MYO5A: variants seen among roughly 807,000 people sequenced by gnomAD.
The protein encoded by MYO5A is myosin VA.
Under a neutral mutation model 249.7 loss-of-function variants are expected in MYO5A, and 98 were observed. The ratio of observed to expected loss-of-function variants is 0.39; its 90% confidence interval spans 0.33 to 0.46. MYO5A has a LOEUF of 0.46. Among genes scored for constraint, MYO5A ranks in the 20% least tolerant of loss-of-function variants. The pLI is 0.98. For synonymous variants in MYO5A, 778 were observed against 810.6 expected (o/e 0.96, Z 0.68); for missense variants, 1,696 against 2,308.8 (o/e 0.73, Z 5.44).
At chr15:52,474,453 C>T (rs971618966) in intron 1 of MYO5A, among the ~76,000 whole-genome samples, 60 of 152,200 alleles carry the variant, frequency 3.9e-4, no homozygotes, top group Non-Finnish European at 7.9e-4. Context: ...GAGAGGGCAT[C>T]CCTGTCTTGT....
chr15:52,363,429 A>C (rs2040639716), intron 24 of MYO5A, among the ~76,000 whole-genome samples: 1 of 152,234 alleles, frequency 6.6e-6, no homozygotes, highest in Non-Finnish European at 1.5e-5. Context: ...GTGAGGGTTG[A>C]AATAATGGTC....
At chr15:52,514,882 A>G (rs2077465573) in intron 1 of MYO5A, among the ~76,000 whole-genome samples, 1 of 152,224 alleles carries the variant, frequency 6.6e-6, no homozygotes, top group South Asian at 2.1e-4. Flanking sequence ...GCATGCTCAG[A>G]TATGTGCATT....
intron 5 of MYO5A, among the ~76,000 whole-genome samples, chr15:52,413,156 A>G (rs1198993920): frequency 6.6e-6 from 1 of 151,126 alleles, no homozygotes; most frequent in East Asian, 1.9e-4. Context: ...TCAAAAAAAA[A>G]AAAAAAAAAA....
intron 37 of MYO5A, 122 bp from the exon 38 acceptor site, chr15:52,321,631 A>T: frequency 9.3e-7 from 1 of 1,072,116 alleles, no homozygotes; most frequent in Middle Eastern, 2.4e-4. Flanking sequence ...CTTCCCCACT[A>T]ATGCCAGGAC....
intron 1 of MYO5A, among the ~76,000 whole-genome samples, chr15:52,509,656 A>G (rs571269366): frequency 5.3e-5 from 8 of 152,340 alleles, no homozygotes; most frequent in Non-Finnish European, 1.2e-4. Context: ...AAATAAGCCA[A>G]TAAAATAGGG....
intron 1 of MYO5A, among the ~76,000 whole-genome samples, chr15:52,514,866 G>A (rs2077465443): frequency 6.6e-6 from 1 of 152,184 alleles, no homozygotes; most frequent in African/African-American, 2.4e-5. Context: ...TTCAAGCCAG[G>A]CAGTGGCATG....
At chr15:52,428,159 G>A (rs2075438864) in intron 3 of MYO5A, among the ~76,000 whole-genome samples, 1 of 152,130 alleles carries the variant, frequency 6.6e-6, no homozygotes, top group African/African-American at 2.4e-5. Flanking sequence ...CTTCTGTAAG[G>A]GGAAAAAAAT....
intron 1 of MYO5A, among the ~76,000 whole-genome samples, chr15:52,493,671 A>AG (rs1308294237): frequency 6.6e-6 from 1 of 151,578 alleles, no homozygotes; most frequent in East Asian, 1.9e-4. Flanking sequence ...CAAAAAAAAA[A>AG]GAAAAAAAAT....
chr15:52,398,999 AT>A (rs1036792875), intron 9 of MYO5A, among the ~76,000 whole-genome samples: 48 of 142,316 alleles, frequency 3.4e-4, no homozygotes, highest in African/African-American at 1.2e-3. Flanking sequence ...AAAAAAAAAA[AT>A]TTTTTTCTTA....
intron 11 of MYO5A, among the ~76,000 whole-genome samples, chr15:52,394,972 CT>C (rs2042421428): frequency 6.6e-6 from 1 of 152,172 alleles, no homozygotes; most frequent in Non-Finnish European, 1.5e-5. Context: ...CATTATTTCA[CT>C]GTGGTAAGAA....
chr15:52,434,517 G>C (rs1363361625), intron 1 of MYO5A, among the ~76,000 whole-genome samples: 1 of 152,082 alleles, frequency 6.6e-6, no homozygotes, highest in Non-Finnish European at 1.5e-5. Flanking sequence ...TCACTAATAA[G>C]CTTAGCTCCT....
At position 52,445,886 on chromosome 15, in the gene MYO5A, G is replaced by A. The variant is rs112934145; in HGVS notation, c.28-12601C>T. On this transcript the variant is annotated intron_variant, in intron 1 of 41. Coordinates refer to ENST00000399233, the MANE Select transcript of MYO5A (RefSeq NM_001382347.1). Reference sequence around the variant, plus strand: ...ATTCAAGATGTGGCCCGACTGCTTCGAACAGCCTACACTCAGGTACAGGAG... The same window carrying A: ...ATTCAAGATGTGGCCCGACTGCTTCAAACAGCCTACACTCAGGTACAGGAG... Among the ~76,000 whole-genome samples the A allele has an allele frequency of 4.8e-4, 73 of 152,196 alleles. 1 individual carries two copies. The East Asian group carries it at 7.2e-3, about 15-fold the overall frequency.
At chr15:52,495,625 C>T (rs539174941) in intron 1 of MYO5A, among the ~76,000 whole-genome samples, 21 of 151,876 alleles carry the variant, frequency 1.4e-4, no homozygotes, top group Non-Finnish European at 2.6e-4. Flanking sequence ...ATACATATAC[C>T]AAAACATCAT....
rs539281284 is a variant in MYO5A at position 52,474,363 on chromosome 15, A to G, written c.28-41078T>C. Reference sequence around the variant, plus strand: ...GGACAATTTGACTTCCTCTTTTCCTAATTGAATACCCTTTCTTTCTTTCTC... The same window carrying G: ...GGACAATTTGACTTCCTCTTTTCCTGATTGAATACCCTTTCTTTCTTTCTC... On this transcript the variant is annotated intron_variant, in intron 1 of 41. Coordinates refer to ENST00000399233, the MANE Select transcript of MYO5A (RefSeq NM_001382347.1). 1.3e-4 allele frequency among the ~76,000 whole-genome samples: 20 copies of G among 152,230 alleles called. No homozygotes were observed. In the East Asian group the frequency reaches 2.9e-3, roughly 22 times the overall value.
intron 1 of MYO5A, among the ~76,000 whole-genome samples, chr15:52,526,515 C>A (rs1312314308): frequency 6.6e-6 from 1 of 152,136 alleles, no homozygotes; most frequent in African/African-American, 2.4e-5. Flanking sequence ...GCATGCGCCA[C>A]CACGCCCAGC....
chr15:52,321,621 C>T, intron 37 of MYO5A, 112 bp from the exon 38 acceptor site: 1 of 1,200,768 alleles, frequency 8.3e-7, no homozygotes, highest in Non-Finnish European at 1.2e-6. Context: ...GTCCAAGGAG[C>T]TTCCCCACTA....
chr15:52,373,298 T>A (rs1335282838), intron 20 of MYO5A, among the ~76,000 whole-genome samples: 1 of 152,100 alleles, frequency 6.6e-6, no homozygotes, highest in Non-Finnish European at 1.5e-5. Flanking sequence ...GAGAAGAAAT[T>A]CTTGAATTTT....
At chr15:52,442,544 A>C (rs1209179210) in intron 1 of MYO5A, among the ~76,000 whole-genome samples, 1 of 152,140 alleles carries the variant, frequency 6.6e-6, no homozygotes, top group African/African-American at 2.4e-5. Context: ...GCTAACATTT[A>C]TTGAGCACCT....
intron 6 of MYO5A, among the ~76,000 whole-genome samples, chr15:52,408,791 T>G (rs2043122988): frequency 6.6e-6 from 1 of 152,210 alleles, no homozygotes; most frequent in Admixed American, 6.5e-5. Context: ...ATCCTTCATT[T>G]TTACAGTATA....
Sources: allele counts gnomAD v4.1 joint callset (sites outside exome capture counted in the v4.1 genomes callset), GRCh38; gene constraint gnomAD v4.1.1; transcripts MANE v1.5; gene names NCBI Gene and HGNC (gene_info 2026-07-23, HGNC 2026-07-21).